The following SPI1 variants were observed in gnomAD, a reference collection of about 807,000 sequenced individuals.
The protein encoded by SPI1 is transcription factor PU.1.
In SPI1, 3 loss-of-function variants were observed where a neutral mutation model predicts 30.7. That is an observed-to-expected ratio of 0.10 (90% CI 0.04 to 0.25). The LOEUF is 0.25. SPI1 is among the 10% of genes least tolerant of loss of function. The pLI is 1.00. For synonymous variants in SPI1, 169 were observed against 157.1 expected (o/e 1.08, Z -0.56); for missense variants, 261 against 371.5 (o/e 0.70, Z 2.45).
chr11:47,358,803 CGGCCAGGGTCGG>C (rs757477736), intron 4 of SPI1, 29 bp downstream of exon 4: 11 of 1,543,412 alleles, frequency 7.1e-6, no homozygotes, highest in South Asian at 2.4e-5. Flanking sequence ...GGCACAGACA[CGGCCAGGGTCGG>C]GGCCAGGGTG....
In SPI1 at chr11:47,358,856, G is replaced by T; in HGVS notation, c.481C>A (p.Pro161Thr). Residue 161 changes from proline to threonine, a missense_variant, in exon 4 of 5, where the codon CCT becomes ACT. By Grantham distance (38) the Pro-to-Thr change is conservative (BLOSUM62 -1). Transcript: ENST00000378538. ...CCAGGTGCCCCACCTGTCTCCCCAG[G>T]CAGGAGCCCAGGCCCGGGCTCCAGG... Reference protein sequence around the residue: ...DGLEPGPGLLPGETGSKKKIR... With the variant: ...DGLEPGPGLLTGETGSKKKIR... 1 of 1,549,372 alleles carries T rather than the reference G, an allele frequency of 6.5e-7. No homozygotes were observed.
At chr11:47,366,635 T>C (rs1007459517) in intron 2 of SPI1, among the ~76,000 whole-genome samples, 1 of 152,064 alleles carries the variant, frequency 6.6e-6, no homozygotes, top group Non-Finnish European at 1.5e-5. Flanking sequence ...CTGGCCGACA[T>C]GTTGAAACCC....
intron 4 of SPI1, 23 bp from the exon 5 acceptor site, chr11:47,355,569 G>T: frequency 6.5e-7 from 1 of 1,548,088 alleles, no homozygotes. Flanking sequence ...GGGCCCGGTG[G>T]GAGGGGGCCC....
rs2095917975 is a variant in SPI1, at chr11:47,359,825, G to A, written c.330+28C>T. On this transcript the variant is annotated intron_variant, in intron 3 of 4. Coordinates refer to ENST00000378538, the MANE Select transcript of SPI1 (RefSeq NM_003120.3). This position sits in a 1 kb window ranked among gnomAD's most constrained non-coding sequence, Gnocchi z 5.1. ...CCCACCACAGGCCTGGCAGTCTCCTGGGGGACGGGGCAGGCGGTGGCATGC... is the reference window on the plus strand; with the variant it reads ...CCCACCACAGGCCTGGCAGTCTCCTAGGGGACGGGGCAGGCGGTGGCATGC... The A allele has an allele frequency of 6.3e-7, 1 of 1,598,994 alleles. No homozygotes were observed. Among genetic ancestry groups the A allele is most frequent in the Admixed American group, 1.7e-5 (1 of 59,916 alleles).
chr11:47,363,575 A>T (rs2095923978), intron 2 of SPI1, among the ~76,000 whole-genome samples: 1 of 151,970 alleles, frequency 6.6e-6, no homozygotes, highest in Admixed American at 6.5e-5. Context: ...GTTGCCTCCA[A>T]CTCCTGGGCT....
chr11:47,356,264 C>T (rs527485576), intron 4 of SPI1, among the ~76,000 whole-genome samples: 14 of 149,552 alleles, frequency 9.4e-5, no homozygotes, highest in South Asian at 6.4e-4. Flanking sequence ...GGCACCCACA[C>T]GACACACCCA....
chr11:47,366,672 T>C (rs569661267), intron 2 of SPI1, among the ~76,000 whole-genome samples: 8 of 151,822 alleles, frequency 5.3e-5, no homozygotes, highest in African/African-American at 7.3e-5. Context: ...AGAAAAAAAA[T>C]TAGCTGGGCG....
rs572881206 is a variant in SPI1, at chr11:47,371,826, G to A, written c.142+3807C>T. On this transcript the variant is annotated intron_variant, in intron 2 of 4. Transcript: ENST00000378538. The stretch of plus-strand genomic sequence containing the variant: ...AATCCAAATGCCTGCCATGGCCTTC[G>A]CCCTGCGTGAGCAGCTGACCCCTTT... Among the ~76,000 whole-genome samples the A allele has an allele frequency of 2.5e-4, 38 of 152,236 alleles. No homozygotes were observed. In the South Asian group the frequency reaches 7.1e-3, roughly 28 times the overall value.
chr11:47,360,732 G>A (rs1403352427), intron 2 of SPI1, among the ~76,000 whole-genome samples: 1 of 151,870 alleles, frequency 6.6e-6, no homozygotes, highest in Non-Finnish European at 1.5e-5. Flanking sequence ...GGCTGAGGCA[G>A]GAGAATCGCT....
At chr11:47,357,763 G>A (rs547254683) in intron 4 of SPI1, among the ~76,000 whole-genome samples, 110 of 152,154 alleles carry the variant, frequency 7.2e-4, no homozygotes, top group Middle Eastern at 6.8e-3. Context: ...ACGGGGTTTC[G>A]CCATGTTGGC....
intron 2 of SPI1, among the ~76,000 whole-genome samples, chr11:47,371,378 A>G (rs113760684): frequency 1.0e-5 from 1 of 96,110 alleles, no homozygotes; most frequent in South Asian, 3.8e-4. Context: ...AAAAAAAAAA[A>G]AAAAAAGGCA....
chr11:47,366,484 G>GA (rs537155777), intron 2 of SPI1, among the ~76,000 whole-genome samples: 2 of 152,018 alleles, frequency 1.3e-5, no homozygotes, highest in Non-Finnish European at 2.9e-5. Flanking sequence ...GAGGGGCCAA[G>GA]AAAAAAACCT....
Position 47,374,749 on chromosome 11 carries a change from C to T in SPI1, c.142+884G>A, listed in dbSNP as rs899536935. 1.3e-5 allele frequency among the ~76,000 whole-genome samples: 2 copies of T among 152,252 alleles called. No individual in the cohort carries two copies. The highest frequency in any genetic ancestry group is 4.1e-4 in the South Asian group (2 of 4,832). ...AAGATCCACTTTGGGCAACCTCCCGCAGCCCCCTGCTCAGGTCCCAGGCAC... is the reference window on the plus strand; with the variant it reads ...AAGATCCACTTTGGGCAACCTCCCGTAGCCCCCTGCTCAGGTCCCAGGCAC... On this transcript the variant is annotated intron_variant, in intron 2 of 4. Coordinates refer to ENST00000378538, the MANE Select transcript of SPI1 (RefSeq NM_003120.3). This position sits in a 1 kb window ranked among gnomAD's most constrained non-coding sequence, Gnocchi z 4.5.
chr11:47,366,209 T>C (rs2095927956), intron 2 of SPI1, among the ~76,000 whole-genome samples: 1 of 152,174 alleles, frequency 6.6e-6, no homozygotes, highest in African/African-American at 2.4e-5. Context: ...ATTTCCTCTC[T>C]CTAAACCAGT....
In SPI1 at chr11:47,355,184, G is replaced by A. The variant is rs1291121006; in HGVS notation, c.*43C>T. The A allele has an allele frequency of 7.7e-7, 1 of 1,298,316 alleles. No homozygotes were observed. The highest frequency in any genetic ancestry group is 1.6e-5 in the African/African-American group (1 of 63,574). 80.4% of individuals were successfully genotyped at this position (1,298,316 alleles called of 1,614,324 possible). On this transcript the variant is annotated 3_prime_UTR_variant, in exon 5 of 5. Transcript: ENST00000378538. ...GGGCCGGGCGAGGGCTTAATGCTAT[G>A]GCCAGCGGGGAGGCCTGGCGGGGCC...
chr11:47,359,070 A>T lies in SPI1; in HGVS notation c.331-64T>A. On this transcript the variant is annotated intron_variant, in intron 3 of 4. Coordinates refer to ENST00000378538, the MANE Select transcript of SPI1 (RefSeq NM_003120.3). The surrounding 1 kb of genome is among the most constrained non-coding windows in gnomAD (Gnocchi z 5.1). ...CAGCTTACAGCTCAGGGGGGCTGGGAGGGAGGTCAGCTGGGGAGAGAAGGA... is the reference window on the plus strand; with the variant it reads ...CAGCTTACAGCTCAGGGGGGCTGGGTGGGAGGTCAGCTGGGGAGAGAAGGA... 1.4e-6 allele frequency: 2 copies of T among 1,443,412 alleles called. No individual in the cohort carries two copies. Among genetic ancestry groups the T allele is most frequent in the Non-Finnish European group, 1.9e-6 (2 of 1,079,188 alleles). The allele number at this position is 1,443,412 out of a possible 1,614,324, so 89.4% of individuals were successfully genotyped here. A position where few individuals can be genotyped will look rare whatever the true frequency, so the allele number is the denominator to read the frequency against.
At chr11:47,357,517 C>G (rs2095913260) in intron 4 of SPI1, among the ~76,000 whole-genome samples, 1 of 151,882 alleles carries the variant, frequency 6.6e-6, no homozygotes, top group South Asian at 2.1e-4. Context: ...CTCACAGCAG[C>G]TCACACTCAT....
At chr11:47,369,832 C>T (rs528179487) in intron 2 of SPI1, among the ~76,000 whole-genome samples, 2 of 152,318 alleles carry the variant, frequency 1.3e-5, no homozygotes, top group East Asian at 3.9e-4. Flanking sequence ...AAAACCTCAC[C>T]TCCCACACAC....
At chr11:47,356,876 A>G (rs958724091) in intron 4 of SPI1, among the ~76,000 whole-genome samples, 1 of 134,692 alleles carries the variant, frequency 7.4e-6, no homozygotes, top group Non-Finnish European at 1.6e-5. Context: ...ATCTCACATT[A>G]CTCAGCTACA....
Sources: allele counts gnomAD v4.1 joint callset (sites outside exome capture counted in the v4.1 genomes callset), GRCh38; gene constraint gnomAD v4.1.1; non-coding constraint Gnocchi (gnomAD v3.1); transcripts MANE v1.5; gene names NCBI Gene and HGNC (gene_info 2026-07-23, HGNC 2026-07-21).